Variants in RBFOX1 observed in about 807,000 individuals in gnomAD.
The protein encoded by RBFOX1 is RNA binding protein fox-1 homolog 1.
RBFOX1 carries 8 observed loss-of-function variants against 57.7 expected under a neutral mutation model. That is an observed-to-expected ratio of 0.14 (90% CI 0.08 to 0.25). RBFOX1 has a LOEUF of 0.25. Among genes scored for constraint, RBFOX1 ranks in the 10% least tolerant of loss-of-function variants. The pLI is 1.00. For missense variants in RBFOX1, 611 were observed against 548.5 expected, an observed-to-expected ratio of 1.11 and a Z score of -1.14; for synonymous variants, 326 against 222.4, an observed-to-expected ratio of 1.47 and a Z score of -4.15.
chr16:5,638,313 T>C (rs1389096640), intron 3 of RBFOX1, among the ~76,000 whole-genome samples: 3 of 152,170 alleles, frequency 2.0e-5, no homozygotes, highest in African/African-American at 7.2e-5. Context: ...ACCACTTTTC[T>C]ATCTTGCCTT....
At chr16:7,262,976 G>A (rs2094978320) in intron 4 of RBFOX1, among the ~76,000 whole-genome samples, 1 of 152,180 alleles carries the variant, frequency 6.6e-6, no homozygotes, top group South Asian at 2.1e-4. Flanking sequence ...ACTTACTCTA[G>A]GAAGTGTTAG....
chr16:6,525,051 G>C lies in RBFOX1; in HGVS notation c.-63-129552G>C, dbSNP rs115058060. Among the ~76,000 whole-genome samples, 708 of 152,246 alleles carry C rather than the reference G, an allele frequency of 4.7e-3. 7 individuals carry two copies. The highest frequency in any genetic ancestry group is 0.016 in the African/African-American group (680 of 41,534). ...ATCTTCATGTTAGTGGGAATAGGCT[G>C]GGTTACTGTTTGTACAGGACATTCC... On this transcript the variant is annotated intron_variant, in intron 2 of 15. Coordinates refer to ENST00000550418, the MANE Select transcript of RBFOX1 (RefSeq NM_018723.4).
intron 11 of RBFOX1, among the ~76,000 whole-genome samples, chr16:7,635,874 A>C (rs532742164): frequency 3.9e-4 from 59 of 152,234 alleles, no homozygotes; most frequent in African/African-American, 1.4e-3. Flanking sequence ...GCAGTAGCGC[A>C]GTCCCGGCTC....
intron 4 of RBFOX1, among the ~76,000 whole-genome samples, chr16:7,129,206 T>C (rs905377555): frequency 6.6e-6 from 1 of 152,164 alleles, no homozygotes; most frequent in South Asian, 2.1e-4. Flanking sequence ...TTCTTCCTCA[T>C]TGCAATGTTC....
intron 4 of RBFOX1, among the ~76,000 whole-genome samples, chr16:7,490,553 G>T (rs2151508750): frequency 6.6e-6 from 1 of 152,304 alleles, no homozygotes; most frequent in East Asian, 1.9e-4. Flanking sequence ...TCTATCAATG[G>T]AAAAGAATTA....
chr16:5,876,517 TA>T (rs1275507463), intron 4 of RBFOX1, among the ~76,000 whole-genome samples: 3 of 152,134 alleles, frequency 2.0e-5, no homozygotes, highest in African/African-American at 7.2e-5. Flanking sequence ...CTTTTAAACC[TA>T]GAGAGAAAAA....
rs553654280 is a variant in RBFOX1 at position 5,886,910 on chromosome 16, A to G, written c.351+19575A>G. Among the ~76,000 whole-genome samples, 286 of 152,194 alleles carry G rather than the reference A, an allele frequency of 1.9e-3. 7 individuals carry two copies. In the South Asian group the frequency reaches 0.053, roughly 28 times the overall value. Reference sequence around the variant, plus strand: ...CTCAAACAAACAAATCATCTCTTCAATCATTCATTGTGTCCTATGACCAGT... The same window carrying G: ...CTCAAACAAACAAATCATCTCTTCAGTCATTCATTGTGTCCTATGACCAGT... On this transcript the variant is annotated intron_variant, in intron 4 of 19. Transcript: ENST00000641259.
chr16:7,474,940 A>G (rs1289898122), intron 4 of RBFOX1, among the ~76,000 whole-genome samples: 2 of 152,178 alleles, frequency 1.3e-5, no homozygotes, highest in African/African-American at 4.8e-5. Flanking sequence ...TGTGTTGGTC[A>G]AAGCACCAAT....
chr16:6,009,939 T>C (rs1265855053), intron 4 of RBFOX1, among the ~76,000 whole-genome samples: 1 of 152,162 alleles, frequency 6.6e-6, no homozygotes, highest in Non-Finnish European at 1.5e-5. Flanking sequence ...GCATTACAGA[T>C]GAGTCTTACA....
chr16:6,430,059 G>C (rs1356867185), intron 2 of RBFOX1, among the ~76,000 whole-genome samples: 1 of 151,600 alleles, frequency 6.6e-6, no homozygotes, highest in Non-Finnish European at 1.5e-5. Context: ...AGTGAGCCTA[G>C]ATCACGTCAC....
intron 14 of RBFOX1, among the ~76,000 whole-genome samples, chr16:7,683,416 A>T (rs917850493): frequency 2.7e-5 from 4 of 149,924 alleles, no homozygotes; most frequent in African/African-American, 9.7e-5. Context: ...ATAATCTATA[A>T]TGGCTTCATA....
intron 3 of RBFOX1, among the ~76,000 whole-genome samples, chr16:5,736,789 C>A (rs1431112625): frequency 6.6e-6 from 1 of 151,630 alleles, no homozygotes; most frequent in Non-Finnish European, 1.5e-5. Context: ...GTTTATGTGT[C>A]TGTGAATTTG....
At chr16:7,265,973 T>TG (rs1340018685) in intron 4 of RBFOX1, among the ~76,000 whole-genome samples, 5 of 135,784 alleles carry the variant, frequency 3.7e-5, no homozygotes, top group African/African-American at 1.5e-4. Context: ...TGTTTTTTTT[T>TG]TTTTTTTTTT....
chr16:7,497,345 C>G (rs976890144), intron 4 of RBFOX1, among the ~76,000 whole-genome samples: 1 of 152,076 alleles, frequency 6.6e-6, no homozygotes, highest in Non-Finnish European at 1.5e-5. Context: ...GAATTTGCAC[C>G]TAACTCACTC....
At chr16:7,275,103 A>G (rs780343860) in intron 4 of RBFOX1, among the ~76,000 whole-genome samples, 1 of 152,124 alleles carries the variant, frequency 6.6e-6, no homozygotes. Flanking sequence ...CTTCTTGTCC[A>G]TCTGTCTCTG....
chr16:5,802,417 G>C (rs2055088137), intron 3 of RBFOX1, among the ~76,000 whole-genome samples: 1 of 152,074 alleles, frequency 6.6e-6, no homozygotes, highest in African/African-American at 2.4e-5. Flanking sequence ...GGGTGGGATA[G>C]CTGCTGAGGT....
At chr16:7,237,738 G>T (rs952452257) in intron 4 of RBFOX1, among the ~76,000 whole-genome samples, 3 of 152,208 alleles carry the variant, frequency 2.0e-5, no homozygotes, top group Non-Finnish European at 2.9e-5. Flanking sequence ...CTGTGTGGTG[G>T]CTCTAGCCTG....
At chr16:6,867,060 T>G (rs1318276781) in intron 3 of RBFOX1, among the ~76,000 whole-genome samples, 1 of 151,686 alleles carries the variant, frequency 6.6e-6, no homozygotes, top group East Asian at 1.9e-4. Context: ...TTATTATGAG[T>G]TTGTATTTAA....
At chr16:6,216,732 C>G (rs899570715) in intron 1 of RBFOX1, among the ~76,000 whole-genome samples, 1 of 152,160 alleles carries the variant, frequency 6.6e-6, no homozygotes, top group Admixed American at 6.5e-5. Flanking sequence ...TTGTTTGTCT[C>G]TTTATTTCCT....
Sources: allele counts gnomAD v4.1 joint callset (sites outside exome capture counted in the v4.1 genomes callset), GRCh38; gene constraint gnomAD v4.1.1; transcripts MANE v1.5; gene names NCBI Gene and HGNC (gene_info 2026-07-23, HGNC 2026-07-21).